The following SGCZ variants were observed in gnomAD, a reference collection of about 807,000 sequenced individuals.
The protein encoded by SGCZ is sarcoglycan zeta, also known as zeta-sarcoglycan.
A neutral mutation model predicts 41.3 loss-of-function variants in SGCZ; 40 were observed. The ratio of observed to expected loss-of-function variants is 0.97; its 90% CI spans 0.75 to 1.26. The LOEUF (loss-of-function observed/expected upper bound fraction) is 1.26, where lower values mean the gene tolerates loss of function less well. SGCZ is among the 50% of genes most tolerant of loss of function. The pLI, the probability that SGCZ is intolerant of heterozygous loss-of-function variation, is 0.00. For missense variants in SGCZ, 552 were observed against 369.8 expected, an observed-to-expected ratio of 1.49 and a Z score of -4.04; for synonymous variants, 206 against 137.5, an observed-to-expected ratio of 1.50 and a Z score of -3.49.
chr8:15,190,585 A>C (rs1462959697), intron 1 of SGCZ, among the ~76,000 whole-genome samples: 1 of 152,074 alleles, frequency 6.6e-6, no homozygotes, highest in Non-Finnish European at 1.5e-5. Flanking sequence ...AGCACGAAAG[A>C]ATGGTGCAAA....
chr8:14,390,100 C>T (rs895665821), intron 2 of SGCZ, among the ~76,000 whole-genome samples: 3 of 151,732 alleles, frequency 2.0e-5, no homozygotes, highest in Non-Finnish European at 4.4e-5. Context: ...AATTTTATTG[C>T]CATTAAATAA....
chr8:15,170,397 C>G (rs147062874), intron 1 of SGCZ, among the ~76,000 whole-genome samples: 2 of 152,202 alleles, frequency 1.3e-5, no homozygotes, highest in East Asian at 3.9e-4. Flanking sequence ...AATTTCCCAG[C>G]CTTGAATAAA....
chr8:14,230,981 G>A (rs1329740558), intron 4 of SGCZ, among the ~76,000 whole-genome samples: 2 of 151,980 alleles, frequency 1.3e-5, no homozygotes, highest in East Asian at 3.9e-4. Context: ...CGTGGTAAAT[G>A]AATAGAAATT....
chr8:14,329,160 T>G (rs1032205279), intron 2 of SGCZ, among the ~76,000 whole-genome samples: 3 of 152,226 alleles, frequency 2.0e-5, no homozygotes, highest in Admixed American at 1.3e-4. Flanking sequence ...ACAGACAGTA[T>G]AGTGTCATTT....
chr8:14,092,082 C>T (rs1801704856), intron 7 of SGCZ, among the ~76,000 whole-genome samples: 1 of 152,046 alleles, frequency 6.6e-6, no homozygotes, highest in Admixed American at 6.6e-5. Context: ...GGAATCCTTT[C>T]CCCATTGCTT....
intron 1 of SGCZ, among the ~76,000 whole-genome samples, chr8:15,236,069 G>C (rs1468247776): frequency 6.6e-6 from 1 of 152,126 alleles, no homozygotes; most frequent in Non-Finnish European, 1.5e-5. Context: ...AAACTTGTTG[G>C]CCAACTTTAA....
chr8:14,745,215 G>GTA (rs1202336052), intron 1 of SGCZ, among the ~76,000 whole-genome samples: 1 of 151,932 alleles, frequency 6.6e-6, no homozygotes, highest in Admixed American at 6.6e-5. Flanking sequence ...TACTGTGTGT[G>GTA]TGTGTGTTGA....
intron 3 of SGCZ, among the ~76,000 whole-genome samples, chr8:14,323,449 T>C (rs996849065): frequency 6.6e-6 from 1 of 152,058 alleles, no homozygotes; most frequent in African/African-American, 2.4e-5. Context: ...ATGTAATAGA[T>C]ATGAAAAATT....
chr8:14,312,986 G>C (rs948292520), intron 3 of SGCZ, among the ~76,000 whole-genome samples: 4 of 152,116 alleles, frequency 2.6e-5, no homozygotes, highest in African/African-American at 9.7e-5. Context: ...CACTATTGTA[G>C]GAATTTCCCA....
intron 1 of SGCZ, among the ~76,000 whole-genome samples, chr8:14,834,104 C>T (rs1045387229): frequency 6.6e-6 from 1 of 151,848 alleles, no homozygotes; most frequent in African/African-American, 2.4e-5. Flanking sequence ...TTGAAAAGGG[C>T]TTTAGATTTT....
chr8:15,084,713 C>T (rs1403413615), intron 1 of SGCZ, among the ~76,000 whole-genome samples: 1 of 152,136 alleles, frequency 6.6e-6, no homozygotes, highest in Non-Finnish European at 1.5e-5. Context: ...GATCATGCCA[C>T]TGCCCTCCAG....
intron 1 of SGCZ, among the ~76,000 whole-genome samples, chr8:14,880,312 G>T (rs1184045154): frequency 6.6e-6 from 1 of 152,162 alleles, no homozygotes; most frequent in African/African-American, 2.4e-5. Flanking sequence ...AACAGGTGCT[G>T]GAGAGGATGT....
intron 1 of SGCZ, among the ~76,000 whole-genome samples, chr8:14,635,364 A>G (rs1367679937): frequency 6.6e-6 from 1 of 151,950 alleles, no homozygotes; most frequent in Non-Finnish European, 1.5e-5. Context: ...CATTTTAGCA[A>G]TGATCTCACT....
chr8:15,104,064 C>T (rs551499195), intron 1 of SGCZ, among the ~76,000 whole-genome samples: 3 of 152,154 alleles, frequency 2.0e-5, no homozygotes, highest in Admixed American at 6.5e-5. Flanking sequence ...GATGCCCAAA[C>T]GAACCTTTCT....
chr8:14,108,524 A>G (rs1802278172), intron 5 of SGCZ, among the ~76,000 whole-genome samples: 1 of 152,120 alleles, frequency 6.6e-6, no homozygotes, highest in Non-Finnish European at 1.5e-5. Flanking sequence ...GGAAGACGCA[A>G]AAGCAGAAAC....
At chr8:14,227,640 C>G (rs1041931409) in intron 4 of SGCZ, among the ~76,000 whole-genome samples, 2 of 152,002 alleles carry the variant, frequency 1.3e-5, no homozygotes, top group African/African-American at 2.4e-5. Context: ...GGATTCATAA[C>G]AATCTTAAGA....
chr8:15,215,087 A>G (rs2117169482), intron 1 of SGCZ, among the ~76,000 whole-genome samples: 1 of 152,294 alleles, frequency 6.6e-6, no homozygotes, highest in East Asian at 1.9e-4. Flanking sequence ...TTCAACTTTA[A>G]GTAATGATCA....
intron 2 of SGCZ, among the ~76,000 whole-genome samples, chr8:14,551,462 T>TC (rs1183476396): frequency 1.5e-4 from 1 of 6,846 alleles, no homozygotes; most frequent in South Asian, 6.6e-3. Flanking sequence ...ATATTATATA[T>TC]ATTATATATA....
chr8:14,762,832 C>G (rs1026867468), intron 1 of SGCZ, among the ~76,000 whole-genome samples: 3 of 152,166 alleles, frequency 2.0e-5, no homozygotes, highest in Non-Finnish European at 2.9e-5. Flanking sequence ...AGAGATATCT[C>G]TGTCTTCAAA....
Sources: gnomAD v4.1 joint callset for allele counts (sites outside exome capture counted in the v4.1 genomes callset) on GRCh38, gnomAD v4.1.1 for gene constraint, MANE v1.5 for transcripts, NCBI Gene and HGNC (gene_info 2026-07-23, HGNC 2026-07-21) for gene names.